Variants in LRRIQ1 observed in about 807,000 individuals in gnomAD.
The protein encoded by LRRIQ1 is leucine-rich repeat- and IQ domain-containing protein 1.
LRRIQ1 carries 210 observed loss-of-function variants against 211.9 expected under a neutral mutation model. That is an observed-to-expected ratio of 0.99 (90% CI 0.89 to 1.11). The LOEUF is 1.11. Ranked by LOEUF, LRRIQ1 falls within the 50% of genes most tolerant of loss-of-function variation. The pLI is 0.00. For missense variants in LRRIQ1, 2,136 were observed against 1,939.5 expected, an observed-to-expected ratio of 1.10 and a Z score of -1.90; for synonymous variants, 699 against 650.1, an observed-to-expected ratio of 1.08 and a Z score of -1.14.
chr12:85,072,471 T>C (rs1883190691), intron 10 of LRRIQ1, among the ~76,000 whole-genome samples: 1 of 152,078 alleles, frequency 6.6e-6, no homozygotes, highest in East Asian at 1.9e-4. Flanking sequence ...GTGATCTGTT[T>C]GCTTGATTTA....
intron 11 of LRRIQ1, among the ~76,000 whole-genome samples, chr12:85,078,203 A>G (rs1250528802): frequency 6.6e-6 from 1 of 152,180 alleles, no homozygotes; most frequent in African/African-American, 2.4e-5. Flanking sequence ...TTTGGTCACC[A>G]CAAATTTATA....
the LRRIQ1 span, among the ~76,000 whole-genome samples, chr12:85,272,188 CA>C: frequency 8.6e-5 from 13 of 151,998 alleles, no homozygotes; most frequent in Non-Finnish European, 1.5e-4. Flanking sequence ...TTCATAAAAG[CA>C]AAAATTAGTA....
At chr12:85,256,925 A>G (rs1247142676) in intron 1 of LRRIQ1, among the ~76,000 whole-genome samples, 2 of 146,706 alleles carry the variant, frequency 1.4e-5, no homozygotes, top group East Asian at 4.0e-4. Context: ...TTTGGAATTT[A>G]CTTAAAATTC....
intron 8 of LRRIQ1, among the ~76,000 whole-genome samples, chr12:85,060,782 A>T (rs1196777298): frequency 1.3e-5 from 2 of 151,910 alleles, no homozygotes; most frequent in African/African-American, 4.8e-5. Context: ...TGCTTGCATT[A>T]CTTTTGTAAT....
At chr12:85,092,447 G>A (rs900702053) in intron 11 of LRRIQ1, among the ~76,000 whole-genome samples, 3 of 152,118 alleles carry the variant, frequency 2.0e-5, no homozygotes, top group African/African-American at 4.8e-5. Context: ...GCCAAAATGA[G>A]TAAAAGCCAA....
intron 11 of LRRIQ1, among the ~76,000 whole-genome samples, chr12:85,075,940 G>C (rs548042830): frequency 6.6e-6 from 1 of 151,996 alleles, no homozygotes; most frequent in African/African-American, 2.4e-5. Flanking sequence ...TACACAGCTA[G>C]TAAATGATAG....
chr12:85,244,697 G>T, intron 26 of LRRIQ1, 92 bp from the exon 27 acceptor site: 1 of 1,089,084 alleles, frequency 9.2e-7, no homozygotes, highest in Non-Finnish European at 1.4e-6. Context: ...GTTTGACAGA[G>T]CCTGTTTGTT....
intron 4 of LRRIQ1, among the ~76,000 whole-genome samples, chr12:85,045,252 A>G (rs1238022536): frequency 6.6e-6 from 1 of 151,930 alleles, no homozygotes; most frequent in African/African-American, 2.4e-5. Context: ...CTTAAAAAAT[A>G]AGAAGAGCCT....
rs975823758 is a variant in LRRIQ1 at position 85,106,373 on chromosome 12, T to C, written c.3284-149T>C. ...ACAATAGTCTGTGTCCTTAACACAG[T>C]CTTCTTTAAAAAGCATATAGCATTC... On this transcript the variant is annotated intron_variant, in intron 14 of 26. Coordinates refer to ENST00000393217, the MANE Select transcript of LRRIQ1 (RefSeq NM_001079910.2). 13 of 595,506 alleles carry C rather than the reference T, an allele frequency of 2.2e-5. No individual in the cohort carries two copies. In the Admixed American group the frequency reaches 4.2e-4, roughly 19 times the overall value. 36.9% of individuals were successfully genotyped at this position (595,506 alleles called of 1,614,324 possible).
chr12:85,207,013 T>A (rs986523488), intron 24 of LRRIQ1, among the ~76,000 whole-genome samples: 1 of 152,038 alleles, frequency 6.6e-6, no homozygotes, highest in Non-Finnish European at 1.5e-5. Context: ...CGGGCTAGAA[T>A]CCTGCCACTA....
rs57228595 is a variant in LRRIQ1 at position 85,244,251 on chromosome 12, C to T, written c.5017-538C>T. 0.01 allele frequency among the ~76,000 whole-genome samples: 1,510 copies of T among 150,818 alleles called. 112 individuals are homozygous for T. The East Asian group carries it at 0.2, about 20-fold the overall frequency. Reference sequence around the variant, plus strand: ...AAATATCTATATATTTATAATTATCCCAAAATTAGTATTAAATATATTTTT... The same window carrying T: ...AAATATCTATATATTTATAATTATCTCAAAATTAGTATTAAATATATTTTT... On this transcript the variant is annotated intron_variant, in intron 26 of 26. Coordinates refer to ENST00000393217, the MANE Select transcript of LRRIQ1 (RefSeq NM_001079910.2).
chr12:85,185,443 C>T (rs1892179755), intron 24 of LRRIQ1, among the ~76,000 whole-genome samples: 1 of 151,674 alleles, frequency 6.6e-6, no homozygotes, highest in Non-Finnish European at 1.5e-5. Flanking sequence ...AAGAGAGCCC[C>T]TTAAAATCAT....
At chr12:85,083,324 C>A (rs1184165121) in intron 11 of LRRIQ1, among the ~76,000 whole-genome samples, 1 of 152,012 alleles carries the variant, frequency 6.6e-6, no homozygotes, top group African/African-American at 2.4e-5. Context: ...ACTTTCATAG[C>A]AGCTCTTTTG....
intron 24 of LRRIQ1, among the ~76,000 whole-genome samples, chr12:85,220,292 G>A (rs2041039942): frequency 2.0e-5 from 3 of 151,978 alleles, no homozygotes; most frequent in Admixed American, 2.0e-4. Flanking sequence ...TGGGAAAGTT[G>A]CCATAAGTAT....
chr12:85,197,467 G>A (rs1349666304), intron 24 of LRRIQ1, among the ~76,000 whole-genome samples: 5 of 150,534 alleles, frequency 3.3e-5, no homozygotes, highest in African/African-American at 1.2e-4. Flanking sequence ...AGAAAATGTG[G>A]CACATATACA....
intron 11 of LRRIQ1, among the ~76,000 whole-genome samples, 189 bp from the exon 12 acceptor site, chr12:85,098,166 C>G (rs1482852768): frequency 1.3e-5 from 2 of 151,990 alleles, no homozygotes; most frequent in Non-Finnish European, 2.9e-5. Flanking sequence ...ATATGTCACC[C>G]AGATGCCAGT....
chr12:85,168,941 A>T (rs191104298), intron 24 of LRRIQ1, among the ~76,000 whole-genome samples: 1 of 152,168 alleles, frequency 6.6e-6, no homozygotes. Context: ...TACCATGGCA[A>T]CAACATATCA....
chr12:85,235,901 A>G (rs1451213887), intron 26 of LRRIQ1, among the ~76,000 whole-genome samples: 1 of 152,188 alleles, frequency 6.6e-6, no homozygotes, highest in African/African-American at 2.4e-5. Flanking sequence ...AAAGAATAGT[A>G]AGTTGTGTCA....
intron 7 of LRRIQ1, among the ~76,000 whole-genome samples, chr12:85,054,232 T>C (rs903121696): frequency 6.6e-6 from 1 of 152,232 alleles, no homozygotes; most frequent in Middle Eastern, 3.4e-3. Context: ...CGATACACAA[T>C]TTCCAAGGAG....
Sources: gnomAD v4.1 joint callset for allele counts (sites outside exome capture counted in the v4.1 genomes callset) on GRCh38, gnomAD v4.1.1 for gene constraint, MANE v1.5 for transcripts, NCBI Gene and HGNC (gene_info 2026-07-23, HGNC 2026-07-21) for gene names.